ABCA8: variants seen among roughly 807,000 people sequenced by gnomAD.
The protein encoded by ABCA8 is ABC-type organic anion transporter ABCA8.
In ABCA8, 177 loss-of-function variants were observed where a neutral mutation model predicts 192.3. That is an observed-to-expected ratio of 0.92 (90% CI 0.81 to 1.04). The LOEUF is 1.04. Ranked by LOEUF, ABCA8 falls within the 50% of genes least tolerant of loss-of-function variation. ABCA8 has a pLI of 0.00. For missense variants in ABCA8, 1,915 were observed against 1,904.8 expected (o/e 1.01, Z -0.10); for synonymous variants, 642 against 690.2 (o/e 0.93, Z 1.09).
intron 14 of ABCA8, 94 bp from the exon 15 acceptor site, chr17:68,918,640 G>A: frequency 1.6e-6 from 2 of 1,283,776 alleles, no homozygotes; most frequent in Non-Finnish European, 2.1e-6. Flanking sequence ...ATGGTTAAAA[G>A]CACAAACACT....
intron 38 of ABCA8, among the ~76,000 whole-genome samples, chr17:68,868,709 T>C (rs752887598): frequency 1.8e-4 from 27 of 152,022 alleles, no homozygotes; most frequent in Non-Finnish European, 8.8e-5. Flanking sequence ...TATCAGAAGA[T>C]TATGGAGAAG....
intron 1 of ABCA8, among the ~76,000 whole-genome samples, chr17:68,949,890 A>G (rs866916264): frequency 1.3e-5 from 2 of 152,202 alleles, no homozygotes; most frequent in South Asian, 2.1e-4. Flanking sequence ...GCACAAGGCA[A>G]GGATGCCCTC....
chr17:68,907,675 A>T, intron 18 of ABCA8, 65 bp downstream of exon 18: 1 of 1,374,530 alleles, frequency 7.3e-7, no homozygotes, highest in Non-Finnish European at 9.7e-7. Flanking sequence ...AGTTGTAATG[A>T]TAATAATTAT....
chr17:68,904,291 AAATAAT>A (rs71144635), intron 19 of ABCA8, among the ~76,000 whole-genome samples: 21,548 of 143,300 alleles, frequency 0.15, 1,962 homozygotes, highest in Middle Eastern at 0.2. Flanking sequence ...CAAAAAAAAG[AAATAAT>A]AATAATAATA....
chr17:68,910,817 T>A (rs1003194525), intron 17 of ABCA8, among the ~76,000 whole-genome samples: 4 of 152,150 alleles, frequency 2.6e-5, no homozygotes, highest in African/African-American at 9.7e-5. Flanking sequence ...CCAGATGACA[T>A]TTTTAGACAT....
Position 68,929,639 on chromosome 17 carries a change from A to T in ABCA8, c.861T>A (p.Val287=), listed in dbSNP as rs1354839774. 1 of 1,613,710 alleles carries T rather than the reference A, an allele frequency of 6.2e-7. No individual in the cohort carries two copies. The highest frequency in any genetic ancestry group is 8.5e-7 in the Non-Finnish European group (1 of 1,179,746). The change falls in exon 8 of 40, where the codon GTT becomes GTA. Residue 287 remains valine, a synonymous_variant. Coordinates refer to ENST00000586539, the MANE Select transcript of ABCA8 (RefSeq NM_001288985.2). The stretch of plus-strand genomic sequence containing the variant: ...AAATGATAAACTGGGTAGATCTTAT[A>T]ACAAGTGCCAAGAAAAGGGCCATAA... ...IFIMALFLAL[V]IRSTQFIILS... is the part of the protein sequence containing the mutation.
rs928544878 is a variant in ABCA8, at chr17:68,940,874, A to G, written c.185T>C (p.Met62Thr). ...AAATGTATCTACCCGTCCCAGGTCC[A>G]TGGTAAGCAGTGAAGAAAAATCATT... ...QVNDFSSLLTMDLGRVDTFNE... is the reference protein window; with the variant it reads ...QVNDFSSLLTTDLGRVDTFNE... The change falls in exon 4 of 40, where the codon ATG becomes ACG. Residue 62 changes from methionine to threonine, a missense_variant. Met to Thr is a moderately conservative substitution (Grantham distance 81, BLOSUM62 -1). Coordinates refer to ENST00000586539, the MANE Select transcript of ABCA8 (RefSeq NM_001288985.2). The G allele has an allele frequency of 1.3e-5, 21 of 1,613,354 alleles. No individual in the cohort carries two copies. Among genetic ancestry groups the G allele is most frequent in the Non-Finnish European group, 1.8e-5 (21 of 1,179,428 alleles).
intron 16 of ABCA8, 124 bp downstream of exon 16, chr17:68,917,923 G>T: frequency 8.6e-7 from 1 of 1,162,818 alleles, no homozygotes. Context: ...ATTACCACCA[G>T]CCATTCAATT....
chr17:68,906,029 A>G lies in ABCA8; in HGVS notation c.2398+15T>C, dbSNP rs761214010. On this transcript the variant is annotated intron_variant, in intron 19 of 39. Coordinates refer to ENST00000586539, the MANE Select transcript of ABCA8 (RefSeq NM_001288985.2). ...TATGTGCTTTTACATAATAATTTTC[A>G]TGCATTTTATTTACCCGATTCATTA... The G allele has an allele frequency of 1.1e-5, 17 of 1,556,296 alleles. No individual in the cohort carries two copies. In the African/African-American group the frequency reaches 1.8e-4, roughly 16 times the overall value.
chr17:68,942,467 C>T (rs2068259771), intron 2 of ABCA8, among the ~76,000 whole-genome samples: 1 of 152,144 alleles, frequency 6.6e-6, no homozygotes, highest in Non-Finnish European at 1.5e-5. Flanking sequence ...ATGTATTTTT[C>T]CCCACTGAGT....
chr17:68,921,153 G>A (rs982747691), intron 13 of ABCA8, among the ~76,000 whole-genome samples: 2 of 151,816 alleles, frequency 1.3e-5, no homozygotes, highest in Non-Finnish European at 2.9e-5. Context: ...TGAACAATGA[G>A]AACACTTGGA....
chr17:68,893,721 C>CTTTAT (rs1555608551), intron 23 of ABCA8, among the ~76,000 whole-genome samples: 1 of 127,692 alleles, frequency 7.8e-6, no homozygotes, highest in Admixed American at 8.4e-5. Context: ...TTCATATTCT[C>CTTTAT]TTTTTTTTTT....
chr17:68,882,720 C>G lies in ABCA8; in HGVS notation c.3708-1G>C. On this transcript the variant is annotated splice_acceptor_variant, in intron 29 of 39. Transcript: ENST00000586539. LOFTEE classifies it high-confidence loss of function. ...CACATCACTACTTCTTGGAGAAATT[C>G]TAGAGTCAAAACCATCCATTAATAT... The G allele has an allele frequency of 1.2e-6, 2 of 1,609,960 alleles. No individual in the cohort carries two copies. The highest frequency in any genetic ancestry group is 1.7e-6 in the Non-Finnish European group (2 of 1,178,798).
rs1347181889 is a variant in ABCA8, at chr17:68,937,598, T to G, written c.302-483A>C. Among the ~76,000 whole-genome samples the G allele has an allele frequency of 2.6e-5, 4 of 152,258 alleles. No individual in the cohort carries two copies. In the East Asian group the frequency reaches 7.7e-4, roughly 29 times the overall value. ...AACATGTTAAGAAACTATGTTGACA[T>G]CACTGAAAGAATCCCTCTTTTCTGT... On this transcript the variant is annotated intron_variant, in intron 4 of 39. Transcript: ENST00000586539.
At chr17:68,903,602 G>T in intron 19 of ABCA8, 103 bp from the exon 20 acceptor site, 2 of 1,019,120 alleles carry the variant, frequency 2.0e-6, no homozygotes, top group Non-Finnish European at 1.4e-6. Context: ...CGTTACTATA[G>T]GTATAACGTG....
intron 37 of ABCA8, among the ~76,000 whole-genome samples, chr17:68,870,254 G>T (rs1213995199): frequency 6.6e-6 from 1 of 152,172 alleles, no homozygotes; most frequent in African/African-American, 2.4e-5. Flanking sequence ...GAAAATTGCT[G>T]CAGCCCACTC....
At chr17:68,907,963 G>A in intron 17 of ABCA8, 84 bp from the exon 18 acceptor site, 1 of 1,214,834 alleles carries the variant, frequency 8.2e-7, no homozygotes, top group Non-Finnish European at 1.1e-6. Context: ...GTCTCTATAG[G>A]ACAAAGAAAA....
chr17:68,896,889 G>C (rs189605149), intron 21 of ABCA8, among the ~76,000 whole-genome samples: 111 of 152,314 alleles, frequency 7.3e-4, no homozygotes, highest in African/African-American at 1.9e-3. Flanking sequence ...ACTCATGCTA[G>C]TCTTGCTGTT....
rs146420113 is a variant in ABCA8, at chr17:68,936,969, C to T, written c.448G>A (p.Glu150Lys). The T allele has an allele frequency of 1.9e-6, 3 of 1,601,820 alleles. No homozygotes were observed. Among genetic ancestry groups the T allele is most frequent in the Non-Finnish European group, 2.6e-6 (3 of 1,176,026 alleles). Residue 150 changes from glutamate to lysine, a missense_variant, in exon 5 of 40, where the codon GAG becomes AAG. Glu to Lys is a moderately conservative substitution (Grantham distance 56). Coordinates refer to ENST00000586539, the MANE Select transcript of ABCA8 (RefSeq NM_001288985.2). ...LLGHGMPAKKEHKDHTAHCYE... is the reference protein window; with the variant it reads ...LLGHGMPAKKKHKDHTAHCYE... Reference sequence around the variant, plus strand: ...AAATTACCTGTATGGTCCTTGTGCTCCTTCTTTGCTGGCATTCCATGTCCT... The same window carrying T: ...AAATTACCTGTATGGTCCTTGTGCTTCTTCTTTGCTGGCATTCCATGTCCT...
Sources: allele counts gnomAD v4.1 joint callset (sites outside exome capture counted in the v4.1 genomes callset), GRCh38; gene constraint gnomAD v4.1.1; transcripts MANE v1.5; gene names NCBI Gene and HGNC (gene_info 2026-07-23, HGNC 2026-07-21).